Variants in CCDC88C observed in about 807,000 individuals in gnomAD.
CCDC88C encodes protein Daple.
A neutral mutation model predicts 198.8 loss-of-function variants in CCDC88C; 131 were observed. That is an observed-to-expected ratio of 0.66 (90% CI 0.57 to 0.76). CCDC88C has a LOEUF of 0.76. Ranked by LOEUF, CCDC88C falls within the 30% of genes least tolerant of loss-of-function variation. CCDC88C has a pLI of 0.00. For synonymous variants in CCDC88C, 1,166 were observed against 1,114.7 expected, an observed-to-expected ratio of 1.05 and a Z score of -0.92; for missense variants, 2,553 against 2,631.6, an observed-to-expected ratio of 0.97 and a Z score of 0.65.
chr14:91,272,828 G>A lies in CCDC88C; in HGVS notation c.5884C>T (p.Leu1962Phe), dbSNP rs751999876. 6 of 1,595,380 alleles carry A rather than the reference G, an allele frequency of 3.8e-6. No homozygotes were observed. Among genetic ancestry groups the A allele is most frequent in the Non-Finnish European group, 3.4e-6 (4 of 1,171,332 alleles). ...CCCGGGACCCCGTCTCCCTCTGAGA[G>A]GCTGAGCCCTGCCCGGACAGGGGTG... ...TITPVRAGLS[L>F]SEGDGVPGQG... Residue 1962 changes from leucine (L) to phenylalanine (F), a missense_variant, in exon 30 of 30, where the codon CTC becomes TTC. This residue lies in a region of CCDC88C where 1,293 missense variants were observed against 1,219.6 expected (regional missense o/e 1.06). Coordinates refer to ENST00000389857, the MANE Select transcript of CCDC88C (RefSeq NM_001080414.4).
intron 19 of CCDC88C, among the ~76,000 whole-genome samples, 166 bp from the exon 20 acceptor site, chr14:91,304,144 G>C (rs1334033276): frequency 1.3e-5 from 2 of 152,256 alleles, no homozygotes; most frequent in Non-Finnish European, 2.9e-5. Context: ...AACTGCTGTG[G>C]GAAGGGGACT....
chr14:91,280,238 C>T (rs190944651), intron 27 of CCDC88C, among the ~76,000 whole-genome samples: 20 of 152,328 alleles, frequency 1.3e-4, no homozygotes, highest in African/African-American at 4.8e-4. Context: ...CAGGAGCCTG[C>T]AGAAGAGACA....
Position 91,329,728 on chromosome 14 carries a change from T to C in CCDC88C, c.1051-3672A>G, listed in dbSNP as rs145940853. 3.9e-3 allele frequency among the ~76,000 whole-genome samples: 590 copies of C among 152,336 alleles called. 3 individuals carry two copies. Among genetic ancestry groups the C allele is most frequent in the African/African-American group, 0.014 (563 of 41,570 alleles). ...CTGAAAAGAGGGGAGGAACTGCCAG[T>C]GGCTGCTAAACCTGCAGGGCCACCA... is the stretch of plus-strand genomic sequence containing the variant. On this transcript the variant is annotated intron_variant, in intron 10 of 29. Transcript: ENST00000389857.
intron 3 of CCDC88C, among the ~76,000 whole-genome samples, chr14:91,380,579 G>T (rs1325117518): frequency 2.0e-5 from 3 of 152,180 alleles, no homozygotes; most frequent in Non-Finnish European, 4.4e-5. Context: ...TAAAGGGAAA[G>T]AATTTTAAAG....
At position 91,339,968 on chromosome 14, in the gene CCDC88C, C is replaced by T. The variant is rs1333074203; in HGVS notation, c.540G>A (p.Val180=). The T allele has an allele frequency of 1.2e-6, 2 of 1,603,282 alleles. No individual in the cohort carries two copies. Among genetic ancestry groups the T allele is most frequent in the African/African-American group, 1.3e-5 (1 of 74,684 alleles). Residue 180 remains valine, a synonymous_variant, in exon 7 of 30, where the codon GTG becomes GTA. Transcript: ENST00000389857. This position sits in a 1 kb window ranked among gnomAD's most constrained non-coding sequence, Gnocchi z 5.8. Reference sequence around the variant, plus strand: ...ACAGGGCCTCCAGCTCCTCCGGAGCCACGTCGGGCAGCTCCAGCCACTGCA... The same window carrying T: ...ACAGGGCCTCCAGCTCCTCCGGAGCTACGTCGGGCAGCTCCAGCCACTGCA... The part of the protein sequence containing the change: ...FDLQWLELPD[V]APEELEALSR...
chr14:91,388,043 T>C (rs1257154718), intron 3 of CCDC88C, among the ~76,000 whole-genome samples: 1 of 152,150 alleles, frequency 6.6e-6, no homozygotes, highest in Non-Finnish European at 1.5e-5. Flanking sequence ...CGGCTGGGGA[T>C]TCAGGTCCCT....
intron 17 of CCDC88C, 29 bp downstream of exon 17, chr14:91,308,322 G>A: frequency 6.2e-7 from 1 of 1,611,806 alleles, no homozygotes; most frequent in Non-Finnish European, 8.5e-7. Context: ...ATGGGCAGCT[G>A]GGCCCCACAG....
chr14:91,307,876 AGT>A lies in CCDC88C; in HGVS notation c.3006+473_3006+474del, dbSNP rs773278355. ...GTAAGGAGCATGTGCATATGTGGAG[AGT>A]GTGTATGTGTGGAGAACACACATCT... On this transcript the variant is annotated intron_variant, in intron 17 of 29. Coordinates refer to ENST00000389857, the MANE Select transcript of CCDC88C (RefSeq NM_001080414.4). 3.9e-5 allele frequency among the ~76,000 whole-genome samples: 6 copies of A among 152,272 alleles called. No homozygotes were observed. The East Asian group carries it at 1.2e-3, about 29-fold the overall frequency.
At position 91,389,965 on chromosome 14, in the gene CCDC88C, G is replaced by A. The variant is rs1360350253; in HGVS notation, c.270+18694C>T. On this transcript the variant is annotated intron_variant, in intron 3 of 29. Transcript: ENST00000389857. ...CGGGCGCCTGTAGTCCCAGCTCCTC[G>A]GGAGGCTGAGGCAGGAGAATGGCGT... Among the ~76,000 whole-genome samples the A allele has an allele frequency of 1.9e-3, 295 of 151,974 alleles. 4 individuals carry two copies. The highest frequency in any genetic ancestry group is 1.9e-3 in the Non-Finnish European group (130 of 67,950).
intron 4 of CCDC88C, among the ~76,000 whole-genome samples, chr14:91,348,154 C>T (rs187795062): frequency 7.9e-5 from 12 of 152,070 alleles, no homozygotes; most frequent in South Asian, 2.1e-4. Flanking sequence ...TACAGGCGCA[C>T]ACCACCATGC....
Position 91,278,014 on chromosome 14 carries a change from C to A in CCDC88C, c.4966G>T (p.Val1656Phe). Residue 1656 changes from valine to phenylalanine, a missense_variant, in exon 29 of 30, where the codon GTC becomes TTC. By Grantham distance (50) the Val-to-Phe change is conservative (BLOSUM62 -1). This residue lies in a region of CCDC88C where 1,293 missense variants were observed against 1,219.6 expected (regional missense o/e 1.06). Coordinates refer to ENST00000389857, the MANE Select transcript of CCDC88C (RefSeq NM_001080414.4). Reference protein sequence around the residue: ...AQKRGTAPPYVGVRPCSASPS... With the variant: ...AQKRGTAPPYFGVRPCSASPS... Reference sequence around the variant, plus strand: ...GAGGCCGAGCAGGGCCGCACTCCGACGTAGGGAGGGGCTGTGCCCCTCTTC... The same window carrying A: ...GAGGCCGAGCAGGGCCGCACTCCGAAGTAGGGAGGGGCTGTGCCCCTCTTC... The A allele has an allele frequency of 6.3e-7, 1 of 1,594,286 alleles. No homozygotes were observed. Among genetic ancestry groups the A allele is most frequent in the Non-Finnish European group, 8.5e-7 (1 of 1,170,210 alleles).
At position 91,313,633 on chromosome 14, in the gene CCDC88C, C is replaced by T; in HGVS notation, c.2183G>A (p.Arg728Lys). ...CTCACGCTCCAGCTGCTGGTTCTCC[C>T]TCTCCATCTGTGCCAGCTTGGTGCT... is the stretch of plus-strand genomic sequence containing the variant. ...FTSTKLAQME[R>K]ENQQLEREKE... Residue 728 changes from arginine to lysine, a missense_variant, in exon 15 of 30, where the codon AGG (arginine) becomes AAG (lysine). Coordinates refer to ENST00000389857, the MANE Select transcript of CCDC88C (RefSeq NM_001080414.4). The surrounding 1 kb of genome is among the most constrained non-coding windows in gnomAD (Gnocchi z 5.2). 1.2e-6 allele frequency: 2 copies of T among 1,612,742 alleles called. No individual in the cohort carries two copies. The highest frequency in any genetic ancestry group is 1.7e-6 in the Non-Finnish European group (2 of 1,179,880).
intron 20 of CCDC88C, among the ~76,000 whole-genome samples, chr14:91,303,105 C>T (rs189384011): frequency 1.3e-5 from 2 of 152,270 alleles, no homozygotes; most frequent in East Asian, 3.9e-4. Flanking sequence ...AGATTTCCTG[C>T]AGGGGAGGTC....
At chr14:91,355,124 A>G (rs1351063683) in intron 4 of CCDC88C, among the ~76,000 whole-genome samples, 1 of 152,156 alleles carries the variant, frequency 6.6e-6, no homozygotes, top group African/African-American at 2.4e-5. Context: ...AGCAGACTGC[A>G]GGGGGCAGAG....
chr14:91,402,541 C>T (rs908755264), intron 3 of CCDC88C, among the ~76,000 whole-genome samples: 8 of 152,106 alleles, frequency 5.3e-5, no homozygotes, highest in South Asian at 4.1e-4. Flanking sequence ...TGTGCACACA[C>T]GCATATATAT....
At chr14:91,343,099 C>A (rs1222812633) in intron 5 of CCDC88C, among the ~76,000 whole-genome samples, 1 of 152,194 alleles carries the variant, frequency 6.6e-6, no homozygotes, top group Non-Finnish European at 1.5e-5. Context: ...GGACTACAGG[C>A]ATGCGCCACC....
rs779760530 is a variant in CCDC88C, at chr14:91,294,193, A to G, written c.4092T>C (p.His1364=). ...EQNMENKEQY[H]EEQKQYIDKL... is the part of the protein sequence containing the mutation. ...CTTACATGTACTGCTTCTGCTCCTC[A>G]TGGTACTGCTCCTTGTTCTCCATGT... is the stretch of plus-strand genomic sequence containing the variant. The change falls in exon 23 of 30, where the codon CAT becomes CAC. Residue 1364 remains histidine, a synonymous_variant. Coordinates refer to ENST00000389857, the MANE Select transcript of CCDC88C (RefSeq NM_001080414.4). 6.2e-7 allele frequency: 1 copy of G among 1,613,906 alleles called. No homozygotes were observed. The highest frequency in any genetic ancestry group is 8.5e-7 in the Non-Finnish European group (1 of 1,179,856).
Position 91,294,156 on chromosome 14 carries a change from A to G in CCDC88C, c.4112+17T>C, listed in dbSNP as rs777219036. 2 of 1,613,408 alleles carry G rather than the reference A, an allele frequency of 1.2e-6. No homozygotes were observed. Among genetic ancestry groups the G allele is most frequent in the South Asian group, 2.2e-5 (2 of 91,084 alleles). On this transcript the variant is annotated intron_variant, in intron 23 of 29. Transcript: ENST00000389857. ...GTGGTGAGGGTGCGGAGAGGGGTTCAGGGACTCCCTGCTTACATGTACTGC... is the reference window on the plus strand; with the variant it reads ...GTGGTGAGGGTGCGGAGAGGGGTTCGGGGACTCCCTGCTTACATGTACTGC...
chr14:91,297,595 G>A, intron 21 of CCDC88C, 104 bp from the exon 22 acceptor site: 2 of 1,212,652 alleles, frequency 1.6e-6, no homozygotes, highest in Non-Finnish European at 2.3e-6. Context: ...GGCAGGCTGT[G>A]CAACCTTAGA....
Sources: allele counts gnomAD v4.1 joint callset (sites outside exome capture counted in the v4.1 genomes callset), GRCh38; gene constraint gnomAD v4.1.1; regional missense constraint gnomAD v4.1.1; non-coding constraint Gnocchi (gnomAD v3.1); transcripts MANE v1.5; gene names NCBI Gene and HGNC (gene_info 2026-07-23, HGNC 2026-07-21).